ATXN1: variants seen among roughly 807,000 people sequenced by gnomAD.
The protein encoded by ATXN1 is ataxin 1.
ATXN1 carries 8 observed loss-of-function variants against 56.4 expected under a neutral mutation model. That is an observed-to-expected ratio of 0.14 (90% confidence interval 0.08 to 0.26). The LOEUF is 0.26. ATXN1 is among the 10% of genes least tolerant of loss of function. ATXN1 has a pLI of 1.00. For synonymous variants in ATXN1, 514 were observed against 494.6 expected (o/e 1.04, Z -0.52); for missense variants, 987 against 1,106.5 (o/e 0.89, Z 1.53).
At chr6:16,599,509 G>A (rs879387463) in intron 3 of ATXN1, among the ~76,000 whole-genome samples, 5 of 151,636 alleles carry the variant, frequency 3.3e-5, no homozygotes, top group African/African-American at 4.9e-5. Flanking sequence ...TCAGAAGATC[G>A]AAACCATCCT....
At position 16,597,440 on chromosome 6, in the gene ATXN1, A is replaced by ATT. The variant is rs375525131; in HGVS notation, c.-488-11535_-488-11534dup. ...GGTCCTCAACAAGCAGCATAAATCTATTTTTTTTTTTTTTTTGAGACAGAG... is the reference window on the plus strand; with the variant it reads ...GGTCCTCAACAAGCAGCATAAATCTATTTTTTTTTTTTTTTTTTGAGACAGAG... On this transcript the variant is annotated intron_variant, in intron 3 of 7. Coordinates refer to ENST00000436367, the MANE Select transcript of ATXN1 (RefSeq NM_001128164.2). Among the ~76,000 whole-genome samples the ATT allele has an allele frequency of 2.6e-3, 371 of 143,054 alleles. 2 individuals carry two copies. The highest frequency in any genetic ancestry group is 3.5e-3 in the East Asian group (17 of 4,818). The allele number at this position is 143,054 out of a possible 152,430, so 93.8% of individuals were successfully genotyped here.
chr6:16,361,900 G>C (rs1405015485), intron 6 of ATXN1, among the ~76,000 whole-genome samples: 1 of 152,206 alleles, frequency 6.6e-6, no homozygotes, highest in African/African-American at 2.4e-5. Flanking sequence ...TCACCTTCTT[G>C]AGGCTGTGGG....
intron 1 of ATXN1, among the ~76,000 whole-genome samples, chr6:16,756,589 C>A (rs939388235): frequency 9.2e-5 from 14 of 152,198 alleles, no homozygotes; most frequent in African/African-American, 3.4e-4. Flanking sequence ...AGATCTAAAT[C>A]TCTCACAGAA....
At position 16,384,702 on chromosome 6, in the gene ATXN1, T is replaced by C. The variant is rs1474337320; in HGVS notation, c.-160-56232A>G. ...TGAGATCTGGTTGTTTAAAAGTGTGTAGCACCTCCCCTTTCCCTTCCTCCT... is the reference window on the plus strand; with the variant it reads ...TGAGATCTGGTTGTTTAAAAGTGTGCAGCACCTCCCCTTTCCCTTCCTCCT... On this transcript the variant is annotated intron_variant, in intron 6 of 7. Coordinates refer to ENST00000436367, the MANE Select transcript of ATXN1 (RefSeq NM_001128164.2). 2.8e-4 allele frequency among the ~76,000 whole-genome samples: 42 copies of C among 152,206 alleles called. 1 individual carries two copies. The highest frequency in any genetic ancestry group is 7.3e-5 in the Non-Finnish European group (5 of 68,034).
intron 6 of ATXN1, among the ~76,000 whole-genome samples, chr6:16,433,403 A>G (rs1759326268): frequency 6.6e-6 from 1 of 152,212 alleles, no homozygotes. Flanking sequence ...ACATTAAATT[A>G]AATTTTATAG....
intron 6 of ATXN1, among the ~76,000 whole-genome samples, chr6:16,342,474 A>T (rs1761272161): frequency 6.6e-6 from 1 of 152,166 alleles, no homozygotes; most frequent in Admixed American, 6.5e-5. Flanking sequence ...AGTTCCTCAA[A>T]ATGTGAAATA....
chr6:16,594,536 G>A (rs1327335515), intron 3 of ATXN1, among the ~76,000 whole-genome samples: 2 of 149,188 alleles, frequency 1.3e-5, no homozygotes, highest in Admixed American at 6.7e-5. Context: ...AGGCTGGAGT[G>A]CAGTGGCACG....
chr6:16,630,231 G>C (rs552712232), intron 3 of ATXN1, among the ~76,000 whole-genome samples: 1 of 152,244 alleles, frequency 6.6e-6, no homozygotes, highest in East Asian at 1.9e-4. Context: ...CTTCTGCATT[G>C]TATGACTCTC....
Position 16,426,299 on chromosome 6 carries a change from G to A in ATXN1, c.-161+59673C>T, listed in dbSNP as rs181601243. Among the ~76,000 whole-genome samples the A allele has an allele frequency of 7.2e-5, 11 of 152,228 alleles. No individual in the cohort carries two copies. The East Asian group carries it at 2.1e-3, about 29-fold the overall frequency. Reference sequence around the variant, plus strand: ...GGGGAGGGTGGGGCACTTGTGGGAAGGTGCAGAGAGGACAGAAGGGTGAAG... The same window carrying A: ...GGGGAGGGTGGGGCACTTGTGGGAAAGTGCAGAGAGGACAGAAGGGTGAAG... On this transcript the variant is annotated intron_variant, in intron 6 of 7. Transcript: ENST00000436367.
At position 16,506,756 on chromosome 6, in the gene ATXN1, A is replaced by G. The variant is rs1760988011; in HGVS notation, c.-299+15871T>C. 6.6e-6 allele frequency among the ~76,000 whole-genome samples: 1 copy of G among 152,212 alleles called. No homozygotes were observed. The highest frequency in any genetic ancestry group is 2.1e-4 in the South Asian group (1 of 4,828). The stretch of plus-strand genomic sequence containing the variant: ...GGGCCTGATTAGGAAACAAAAGCTT[A>G]TAACTTTGCAGCAAGAGGGGAAAAC... On this transcript the variant is annotated intron_variant, in intron 5 of 7. Transcript: ENST00000436367. The surrounding 1 kb of genome is among the most constrained non-coding windows in gnomAD (Gnocchi z 4.1).
At chr6:16,411,125 C>CAAAAAAAAAAAAAAAAAAA (rs746717153) in intron 6 of ATXN1, among the ~76,000 whole-genome samples, 1 of 80,698 alleles carries the variant, frequency 1.2e-5, no homozygotes, top group Non-Finnish European at 2.4e-5. Context: ...ACCTCTGTGT[C>CAAAAAAAAAAAAAAAAAAA]AAAAAAAAAA....
intron 2 of ATXN1, among the ~76,000 whole-genome samples, chr6:16,662,332 CTTCT>C (rs763443218): frequency 5.4e-4 from 42 of 77,884 alleles, no homozygotes; most frequent in Middle Eastern, 6.2e-3. Context: ...CTTCATCAAA[CTTCT>C]TTTTTTTTTT....
chr6:16,323,862 G>A (rs1760742059), intron 7 of ATXN1, among the ~76,000 whole-genome samples: 1 of 152,186 alleles, frequency 6.6e-6, no homozygotes. Context: ...ATTCATGCAG[G>A]AAGTGAACAG....
At chr6:16,519,954 A>C (rs2113693699) in intron 5 of ATXN1, among the ~76,000 whole-genome samples, 1 of 152,326 alleles carries the variant, frequency 6.6e-6, no homozygotes, top group African/African-American at 2.4e-5. Context: ...ATAAGGTGGG[A>C]AATAAAAGAG....
At chr6:16,571,810 G>A (rs530968809) in intron 4 of ATXN1, among the ~76,000 whole-genome samples, 102 of 152,174 alleles carry the variant, frequency 6.7e-4, no homozygotes, top group African/African-American at 2.2e-3. Flanking sequence ...ACAGGCTCAT[G>A]CCACCATGCT....
intron 3 of ATXN1, among the ~76,000 whole-genome samples, chr6:16,640,120 A>T (rs561192905): frequency 2.0e-3 from 310 of 152,284 alleles, no homozygotes; most frequent in African/African-American, 7.2e-3. Flanking sequence ...CTCCACCAGC[A>T]TCACCTCTCC....
At chr6:16,710,913 A>T (rs530434875) in intron 2 of ATXN1, among the ~76,000 whole-genome samples, 1 of 151,740 alleles carries the variant, frequency 6.6e-6, no homozygotes, top group Non-Finnish European at 1.5e-5. Context: ...TAATAGAGAC[A>T]CGGTCTCACT....
At chr6:16,599,533 A>C (rs1762876762) in intron 3 of ATXN1, among the ~76,000 whole-genome samples, 1 of 152,102 alleles carries the variant, frequency 6.6e-6, no homozygotes, top group Admixed American at 6.5e-5. Context: ...CAACATGCTG[A>C]AACCTTGTCT....
intron 6 of ATXN1, among the ~76,000 whole-genome samples, chr6:16,427,898 T>C (rs575815052): frequency 6.6e-6 from 1 of 152,300 alleles, no homozygotes. Context: ...TCTATAAAAA[T>C]TCCTCACAGA....
Sources: gnomAD v4.1 joint callset for allele counts (sites outside exome capture counted in the v4.1 genomes callset) on GRCh38, gnomAD v4.1.1 for gene constraint, Gnocchi (gnomAD v3.1) non-coding constraint, MANE v1.5 for transcripts, NCBI Gene and HGNC (gene_info 2026-07-23, HGNC 2026-07-21) for gene names.